Variants in ULK4 observed in about 807,000 individuals in gnomAD.
ULK4 encodes the protein inactive serine/threonine-protein kinase ULK4.
A neutral mutation model predicts 160.6 loss-of-function variants in ULK4; 133 were observed. That is an observed-to-expected ratio of 0.83 (90% CI 0.72 to 0.96). The LOEUF (loss-of-function observed/expected upper bound fraction) is 0.96, where lower values mean the gene tolerates loss of function less well. ULK4 is among the 40% of genes least tolerant of loss of function. The pLI, the probability that ULK4 is intolerant of heterozygous loss-of-function variation, is 0.00. For missense variants in ULK4, 1,580 were observed against 1,499.5 expected, an observed-to-expected ratio of 1.05 and a Z score of -0.89; for synonymous variants, 534 against 539.8, an observed-to-expected ratio of 0.99 and a Z score of 0.15.
At chr3:41,700,522 C>T (rs2036639206) in intron 27 of ULK4, among the ~76,000 whole-genome samples, 1 of 152,160 alleles carries the variant, frequency 6.6e-6, no homozygotes, top group Non-Finnish European at 1.5e-5. Flanking sequence ...GGGATTTGCA[C>T]ACTGGGTACA....
intron 31 of ULK4, among the ~76,000 whole-genome samples, chr3:41,588,565 T>C (rs2031008277): frequency 6.6e-6 from 1 of 152,214 alleles, no homozygotes; most frequent in Admixed American, 6.5e-5. Flanking sequence ...CTAGCCATTC[T>C]AGCCTGGCTG....
chr3:41,757,139 A>C (rs1453271762), intron 21 of ULK4, among the ~76,000 whole-genome samples: 1 of 152,188 alleles, frequency 6.6e-6, no homozygotes, highest in Non-Finnish European at 1.5e-5. Flanking sequence ...AAAAGAACTT[A>C]AGAACTAAGA....
chr3:41,866,380 C>T (rs1696879946), intron 17 of ULK4, among the ~76,000 whole-genome samples: 1 of 152,186 alleles, frequency 6.6e-6, no homozygotes. Flanking sequence ...TTGTGGAAGA[C>T]AATTTTTCCA....
chr3:41,368,482 T>A (rs2081296845), intron 35 of ULK4, among the ~76,000 whole-genome samples: 1 of 152,232 alleles, frequency 6.6e-6, no homozygotes, highest in Non-Finnish European at 1.5e-5. Context: ...AATACCTTCA[T>A]CATTCCCAAA....
intron 31 of ULK4, among the ~76,000 whole-genome samples, chr3:41,573,910 T>C (rs1455748805): frequency 6.6e-6 from 1 of 152,136 alleles, no homozygotes; most frequent in Admixed American, 6.5e-5. Flanking sequence ...GTGAAATAAA[T>C]ATGTTTGAGG....
chr3:41,955,226 G>T (rs1700442017), intron 1 of ULK4, among the ~76,000 whole-genome samples: 1 of 152,162 alleles, frequency 6.6e-6, no homozygotes, highest in Non-Finnish European at 1.5e-5. Flanking sequence ...GGAGGCGGAG[G>T]CTGCAGTGAG....
chr3:41,369,185 T>C (rs79792372), intron 35 of ULK4, among the ~76,000 whole-genome samples: 5,537 of 152,312 alleles, frequency 0.036, 276 homozygotes, highest in East Asian at 0.19. Flanking sequence ...ATTTCAGAAG[T>C]AGGCCTTCCT....
chr3:41,563,350 C>T (rs901811245), intron 32 of ULK4, among the ~76,000 whole-genome samples: 5 of 152,134 alleles, frequency 3.3e-5, no homozygotes, highest in Non-Finnish European at 7.3e-5. Flanking sequence ...GGTTGCTCTT[C>T]TCAAGGAGTA....
At chr3:41,266,847 T>A (rs555711726) in intron 35 of ULK4, among the ~76,000 whole-genome samples, 1 of 152,090 alleles carries the variant, frequency 6.6e-6, no homozygotes, top group South Asian at 2.1e-4. Context: ...AACAGCCTCC[T>A]TTACTTCCAT....
At chr3:41,902,369 G>C (rs1698402603) in intron 12 of ULK4, among the ~76,000 whole-genome samples, 1 of 152,046 alleles carries the variant, frequency 6.6e-6, no homozygotes, top group Admixed American at 6.6e-5. Context: ...CACGAGGTCA[G>C]GAGTTCGAGA....
chr3:41,401,727 C>T (rs2082183666), intron 34 of ULK4, among the ~76,000 whole-genome samples: 1 of 152,110 alleles, frequency 6.6e-6, no homozygotes, highest in African/African-American at 2.4e-5. Context: ...AATACTTCCA[C>T]CCCAATTTCT....
chr3:41,350,084 T>C lies in ULK4; in HGVS notation c.3678+47995A>G, dbSNP rs1036833664. On this transcript the variant is annotated intron_variant, in intron 35 of 36. Coordinates refer to ENST00000301831, the MANE Select transcript of ULK4 (RefSeq NM_017886.4). The stretch of plus-strand genomic sequence containing the variant: ...AAGTCATTTATTCACGAACAGACCT[T>C]TCCATATTTTATGTAAACTTGCTAT... 2.1e-4 allele frequency among the ~76,000 whole-genome samples: 32 copies of C among 152,302 alleles called. 1 individual carries two copies. Among genetic ancestry groups the C allele is most frequent in the Middle Eastern group, 3.4e-3 (1 of 294 alleles).
chr3:41,916,720 T>C (rs1249693982), intron 7 of ULK4, among the ~76,000 whole-genome samples: 1 of 151,234 alleles, frequency 6.6e-6, no homozygotes, highest in Non-Finnish European at 1.5e-5. Context: ...TTTTTTTTTT[T>C]TTTGGAGAAT....
chr3:41,746,488 G>A (rs1292817490), intron 22 of ULK4, among the ~76,000 whole-genome samples: 4 of 149,840 alleles, frequency 2.7e-5, no homozygotes, highest in South Asian at 2.1e-4. Context: ...AATGAAACAA[G>A]GTTAAAAAAA....
intron 17 of ULK4, among the ~76,000 whole-genome samples, chr3:41,849,508 G>C (rs995371708): frequency 6.6e-6 from 1 of 152,176 alleles, no homozygotes; most frequent in African/African-American, 2.4e-5. Flanking sequence ...ATAAAAAATA[G>C]GCAGAGCACA....
At chr3:41,309,205 A>G (rs937597821) in intron 35 of ULK4, among the ~76,000 whole-genome samples, 6 of 151,916 alleles carry the variant, frequency 3.9e-5, no homozygotes, top group Admixed American at 3.3e-4. Flanking sequence ...TTGCTACAGG[A>G]ATATTGCTGC....
At chr3:41,435,776 A>T (rs866272551) in intron 34 of ULK4, among the ~76,000 whole-genome samples, 9 of 152,026 alleles carry the variant, frequency 5.9e-5, no homozygotes, top group South Asian at 4.2e-4. Flanking sequence ...GTGAAACCCT[A>T]TCTCTACCAA....
intron 34 of ULK4, among the ~76,000 whole-genome samples, chr3:41,404,761 G>A (rs914302083): frequency 6.6e-6 from 1 of 152,084 alleles, no homozygotes; most frequent in African/African-American, 2.4e-5. Context: ...TCTCTCTCTC[G>A]CCCTCTTGCA....
chr3:41,944,731 G>A (rs920272295), intron 2 of ULK4, among the ~76,000 whole-genome samples: 3 of 152,070 alleles, frequency 2.0e-5, no homozygotes, highest in Admixed American at 6.5e-5. Context: ...GAATGAGCCA[G>A]TAAGCCCGGC....
Sources: allele counts gnomAD v4.1 joint callset (sites outside exome capture counted in the v4.1 genomes callset), GRCh38; gene constraint gnomAD v4.1.1; transcripts MANE v1.5; gene names NCBI Gene and HGNC (gene_info 2026-07-23, HGNC 2026-07-21).